Variants in SUCO observed in about 807,000 individuals in gnomAD.
SUCO encodes SUN domain containing ossification factor.
In SUCO, 57 loss-of-function variants were observed where a neutral mutation model predicts 148.1. That is an observed-to-expected ratio of 0.38 (90% CI 0.31 to 0.48). The LOEUF (loss-of-function observed/expected upper bound fraction) is 0.48. SUCO is among the 20% of genes least tolerant of loss of function. The pLI is 0.96. For missense variants in SUCO, 1,331 were observed against 1,468.2 expected (o/e 0.91, Z 1.53); for synonymous variants, 470 against 502.7 (o/e 0.93, Z 0.87).
At chr1:172,602,541 T>A in intron 21 of SUCO, 155 bp from the exon 22 acceptor site, 1 of 984,754 alleles carries the variant, frequency 1.0e-6, no homozygotes, top group South Asian at 4.7e-5. Context: ...ATCTCTAAAT[T>A]TTTTTTTCCA....
intron 3 of SUCO, among the ~76,000 whole-genome samples, chr1:172,553,689 C>A (rs1481803914): frequency 6.6e-6 from 1 of 151,914 alleles, no homozygotes; most frequent in Non-Finnish European, 1.5e-5. Flanking sequence ...TTTTTTCTAA[C>A]CTGAATCACT....
chr1:172,546,473 T>C (rs1269168402), intron 1 of SUCO, among the ~76,000 whole-genome samples: 2 of 152,194 alleles, frequency 1.3e-5, no homozygotes, highest in African/African-American at 4.8e-5. Context: ...ATTAACTACT[T>C]CATGATTTTC....
chr1:172,532,900 A>G (rs1651694395), upstream of SUCO: 8 of 1,433,612 alleles, frequency 5.6e-6, no homozygotes, highest in African/African-American at 1.4e-5. Flanking sequence ...CGGAGCGGCG[A>G]GAGCATCTGC....
chr1:172,557,798 G>C lies in SUCO; in HGVS notation c.732+4G>C, dbSNP rs1481999338. On this transcript the variant is annotated splice_donor_region_variant and intron_variant, in intron 6 of 23. Transcript: ENST00000263688. ...TTCAGATAATTTAAAAAATGAGGTA[G>C]GTATATAACTTGCACTATCTCTTAC... 2.5e-6 allele frequency: 4 copies of C among 1,585,788 alleles called. No individual in the cohort carries two copies. Among genetic ancestry groups the C allele is most frequent in the South Asian group, 1.2e-5 (1 of 85,644 alleles).
intron 22 of SUCO, 23 bp downstream of exon 22, chr1:172,602,810 T>C: frequency 6.5e-7 from 1 of 1,526,932 alleles, no homozygotes. Flanking sequence ...GGATATATAA[T>C]ATGTATATAT....
chr1:172,577,074 A>G lies in SUCO; in HGVS notation c.1264-465A>G, dbSNP rs562315404. ...TATATAATATACAAGTATAAATATC[A>G]TTCCATAATGGACTGTTACCAATAT... is the stretch of plus-strand genomic sequence containing the variant. On this transcript the variant is annotated intron_variant, in intron 11 of 23. Coordinates refer to ENST00000263688, the MANE Select transcript of SUCO (RefSeq NM_014283.5). The G allele has an allele frequency of 8.6e-6, 6 of 700,446 alleles. No individual in the cohort carries two copies. The East Asian group carries it at 6.6e-4, about 77-fold the overall frequency. 43.4% of individuals were successfully genotyped at this position (700,446 alleles called of 1,614,324 possible).
intron 6 of SUCO, 117 bp from the exon 7 acceptor site, chr1:172,568,902 A>G: frequency 1.0e-6 from 1 of 988,642 alleles, no homozygotes; most frequent in Admixed American, 3.4e-5. Context: ...TTTTCAAAAT[A>G]TAATCATTCA....
chr1:172,533,242 C>T lies in SUCO; in HGVS notation c.-194C>T, dbSNP rs1363421396. On this transcript the variant is annotated 5_prime_UTR_variant, in exon 1 of 24. Transcript: ENST00000263688. ...CCGGAGTCCTGTGAAGCGCCCCTGT[C>T]CGCGCCTCTGTGGGGCCCTCAGAGA... The T allele has an allele frequency of 3.2e-6, 5 of 1,547,370 alleles. No homozygotes were observed. The highest frequency in any genetic ancestry group is 4.4e-6 in the Non-Finnish European group (5 of 1,146,310).
chr1:172,586,895 C>G (rs1328154483), intron 17 of SUCO, among the ~76,000 whole-genome samples: 1 of 151,980 alleles, frequency 6.6e-6, no homozygotes, highest in Non-Finnish European at 1.5e-5. Flanking sequence ...GAAAATATAG[C>G]GTATGTGTTA....
intron 15 of SUCO, among the ~76,000 whole-genome samples, chr1:172,583,005 C>T (rs1558199022): frequency 1.3e-5 from 2 of 152,092 alleles, no homozygotes; most frequent in African/African-American, 4.8e-5. Context: ...TTCGAAATCT[C>T]ATATAAGATC....
intron 15 of SUCO, among the ~76,000 whole-genome samples, chr1:172,584,037 C>G (rs2149256626): frequency 6.6e-6 from 1 of 152,212 alleles, no homozygotes; most frequent in African/African-American, 2.4e-5. Context: ...ATTAATCTGC[C>G]CCATACCTGT....
At chr1:172,542,217 T>TA (rs971488249) in intron 1 of SUCO, among the ~76,000 whole-genome samples, 21 of 151,530 alleles carry the variant, frequency 1.4e-4, no homozygotes, top group Admixed American at 9.8e-4. Flanking sequence ...CCGTCTCTAC[T>TA]AAAAAAAATA....
intron 6 of SUCO, among the ~76,000 whole-genome samples, chr1:172,565,917 T>TG (rs1481800918): frequency 2.0e-5 from 3 of 152,156 alleles, no homozygotes; most frequent in Non-Finnish European, 2.9e-5. Flanking sequence ...CTGATAATTA[T>TG]GGGGGGTGGT....
At chr1:172,596,225 A>G (rs1657088090) in intron 19 of SUCO, among the ~76,000 whole-genome samples, 1 of 152,188 alleles carries the variant, frequency 6.6e-6, no homozygotes, top group African/African-American at 2.4e-5. Context: ...GGGTTTGAAC[A>G]TCTTCCTTTA....
chr1:172,556,868 G>A (rs1391196206), intron 4 of SUCO: 1 of 865,138 alleles, frequency 1.2e-6, no homozygotes, highest in African/African-American at 1.8e-5. Flanking sequence ...TGGAGGTGAG[G>A]CAGGGAAAAA....
chr1:172,553,064 A>G, intron 2 of SUCO, 196 bp from the exon 3 acceptor site: 1 of 244,040 alleles, frequency 4.1e-6, no homozygotes, highest in Non-Finnish European at 6.6e-6. Flanking sequence ...GGTGTATTGC[A>G]CATTTTAAAT....
chr1:172,588,471 T>G (rs776854069), intron 17 of SUCO: 310 of 985,162 alleles, frequency 3.1e-4, no homozygotes, highest in Non-Finnish European at 3.5e-4. Context: ...AAGTATTCAC[T>G]TAGAAACAAT....
intron 14 of SUCO, 142 bp downstream of exon 14, chr1:172,578,531 A>G: frequency 1.5e-6 from 2 of 1,365,104 alleles, no homozygotes; most frequent in Non-Finnish European, 1.9e-6. Flanking sequence ...ACTCTAATCA[A>G]CTTTTACTTA....
chr1:172,606,912 G>C (rs1172012955), intron 22 of SUCO, among the ~76,000 whole-genome samples: 1 of 151,692 alleles, frequency 6.6e-6, no homozygotes, highest in African/African-American at 2.4e-5. Context: ...TATTTTGGAT[G>C]ATATCTTCTG....
Sources: allele counts gnomAD v4.1 joint callset (sites outside exome capture counted in the v4.1 genomes callset), GRCh38; gene constraint gnomAD v4.1.1; transcripts MANE v1.5; gene names NCBI Gene and HGNC (gene_info 2026-07-23, HGNC 2026-07-21).